Variants in ZEB1 observed in about 807,000 individuals in gnomAD.
ZEB1 encodes the protein zinc finger E-box binding homeobox 1.
A neutral mutation model predicts 84.9 loss-of-function variants in ZEB1; 21 were observed. The ratio of observed to expected loss-of-function variants is 0.25; its 90% CI spans 0.18 to 0.36. The LOEUF is 0.36. Among genes scored for constraint, ZEB1 ranks in the 10% least tolerant of loss-of-function variants. ZEB1 has a pLI of 1.00. For synonymous variants in ZEB1, 420 were observed against 471.1 expected (o/e 0.89, Z 1.41); for missense variants, 1,104 against 1,330.2 (o/e 0.83, Z 2.65).
chr10:31,393,072 A>C (rs1193635155), intron 1 of ZEB1, among the ~76,000 whole-genome samples: 4 of 152,142 alleles, frequency 2.6e-5, no homozygotes, highest in Non-Finnish European at 5.9e-5. Flanking sequence ...CCCTGAGCTC[A>C]AGCGATCCTC....
intron 1 of ZEB1, among the ~76,000 whole-genome samples, chr10:31,407,779 C>T (rs1389938331): frequency 6.6e-6 from 1 of 151,222 alleles, no homozygotes; most frequent in Non-Finnish European, 1.5e-5. Flanking sequence ...AAACCCACAG[C>T]CAATATCATA....
intron 1 of ZEB1, among the ~76,000 whole-genome samples, chr10:31,421,354 A>G (rs914130529): frequency 6.6e-6 from 1 of 152,160 alleles, no homozygotes; most frequent in Non-Finnish European, 1.5e-5. Flanking sequence ...ACCATGTGGT[A>G]TTAATCTACC....
At chr10:31,339,870 G>C (rs904026416) in intron 1 of ZEB1, among the ~76,000 whole-genome samples, 2 of 151,680 alleles carry the variant, frequency 1.3e-5, no homozygotes, top group Non-Finnish European at 2.9e-5. Flanking sequence ...GGGTGATTAT[G>C]ACAGTGTACC....
At chr10:31,426,831 ATGGTACTCCCATTGATC>A (rs2056993220) in intron 1 of ZEB1, among the ~76,000 whole-genome samples, 1 of 152,170 alleles carries the variant, frequency 6.6e-6, no homozygotes, top group Non-Finnish European at 1.5e-5. Flanking sequence ...CATGCTTTGG[ATGGTACTCCCATTGATC>A]TGGATCAGAG....
intron 5 of ZEB1, among the ~76,000 whole-genome samples, chr10:31,512,710 CAG>C (rs2070319271): frequency 6.6e-6 from 1 of 151,946 alleles, no homozygotes; most frequent in Admixed American, 6.6e-5. Context: ...TTATATAAAA[CAG>C]AAATAAAATA....
intron 6 of ZEB1, among the ~76,000 whole-genome samples, chr10:31,519,409 G>GT (rs1208692438): frequency 6.6e-6 from 1 of 152,158 alleles, no homozygotes; most frequent in East Asian, 1.9e-4. Flanking sequence ...TACTTTGACA[G>GT]TGCGTGGCTT....
At chr10:31,370,855 TTG>T (rs1448548590) in intron 1 of ZEB1, among the ~76,000 whole-genome samples, 2 of 152,132 alleles carry the variant, frequency 1.3e-5, no homozygotes, top group Non-Finnish European at 2.9e-5. Context: ...ATTTGTAAAA[TTG>T]TGTGTGGTGT....
chr10:31,520,907 G>C lies in ZEB1; in HGVS notation c.1575G>C (p.Gly525=). ...VKSEKDKSFE[G]GVNDSTCLLC... ...CTGAGAAGGACAAAAGCTTTGAAGG[G>C]GGGGTGAATGATAGCACTTGTCTTC... The change falls in exon 7 of 9, where the codon GGG becomes GGC. Residue 525 remains glycine, a synonymous_variant. Transcript: ENST00000424869. This position sits in a 1 kb window ranked among gnomAD's most constrained non-coding sequence, Gnocchi z 5.1. 2 of 1,614,110 alleles carry C rather than the reference G, an allele frequency of 1.2e-6. No homozygotes were observed. Among genetic ancestry groups the C allele is most frequent in the African/African-American group, 1.3e-5 (1 of 75,044 alleles).
intron 4 of ZEB1, among the ~76,000 whole-genome samples, chr10:31,509,944 A>G (rs968849835): frequency 2.0e-5 from 3 of 152,204 alleles, no homozygotes; most frequent in South Asian, 2.1e-4. Context: ...TTTGTTTTCT[A>G]AAAGCTATAT....
chr10:31,456,079 A>G (rs1246526990), intron 1 of ZEB1, among the ~76,000 whole-genome samples: 1 of 152,230 alleles, frequency 6.6e-6, no homozygotes, highest in Non-Finnish European at 1.5e-5. Context: ...ATGCAGCCCT[A>G]AAACAGGATG....
chr10:31,471,487 G>C (rs2063239644), intron 2 of ZEB1, among the ~76,000 whole-genome samples: 1 of 151,052 alleles, frequency 6.6e-6, no homozygotes, highest in Admixed American at 6.6e-5. Flanking sequence ...ATGGTAAAGG[G>C]ATCAATTCAA....
intron 1 of ZEB1, among the ~76,000 whole-genome samples, chr10:31,369,354 C>G (rs898620995): frequency 2.6e-5 from 4 of 152,156 alleles, no homozygotes; most frequent in Non-Finnish European, 5.9e-5. Context: ...GATCAACTCC[C>G]CCCACCACCC....
chr10:31,527,500 GCA>G lies in ZEB1; in HGVS notation c.*237_*238del, dbSNP rs2073725136. On this transcript the variant is annotated 3_prime_UTR_variant, in exon 9 of 9. Transcript: ENST00000424869. ...AACCTCAGACCTAGTAATTTTTCATGCAGTTTTCAAAGTTAGGAACAAGTTTG... is the reference window on the plus strand; with the variant it reads ...AACCTCAGACCTAGTAATTTTTCATGGTTTTCAAAGTTAGGAACAAGTTTG... 5 of 544,900 alleles carry G rather than the reference GCA, an allele frequency of 9.2e-6. No individual in the cohort carries two copies. Among genetic ancestry groups the G allele is most frequent in the Non-Finnish European group, 1.6e-5 (5 of 319,188 alleles). 33.8% of individuals were successfully genotyped at this position (544,900 alleles called of 1,614,324 possible). A position where few individuals can be genotyped will look rare whatever the true frequency, so the allele number is the denominator to read the frequency against.
intron 2 of ZEB1, among the ~76,000 whole-genome samples, chr10:31,474,696 C>G (rs1248970781): frequency 6.6e-6 from 1 of 152,162 alleles, no homozygotes; most frequent in African/African-American, 2.4e-5. Flanking sequence ...TTTGACCCAG[C>G]TATCCCATTA....
At chr10:31,433,679 G>A (rs976806831) in intron 1 of ZEB1, among the ~76,000 whole-genome samples, 5 of 152,036 alleles carry the variant, frequency 3.3e-5, no homozygotes, top group Admixed American at 2.6e-4. Flanking sequence ...TACACTACAG[G>A]GTCAAAACTT....
In ZEB1 at chr10:31,521,121, C is replaced by T. The variant is rs753996599; in HGVS notation, c.1789C>T (p.Leu597=). 9 of 1,614,046 alleles carry T rather than the reference C, an allele frequency of 5.6e-6. No individual in the cohort carries two copies. In the East Asian group the frequency reaches 1.8e-4, roughly 32 times the overall value. Residue 597 remains leucine, a synonymous_variant, in exon 7 of 9, where the codon CTA becomes TTA. Coordinates refer to ENST00000424869, the MANE Select transcript of ZEB1 (RefSeq NM_001174096.2). The part of the protein sequence containing the change: ...QPPLKNLLSL[L]KAYYALNAQP... ...ACCTTTAAAGAACCTCTTGTCTCTC[C>T]TAAAAGCATATTATGCTTTGAATGC...
At chr10:31,361,165 C>T (rs761261459) in intron 1 of ZEB1, 11 of 1,611,938 alleles carry the variant, frequency 6.8e-6, no homozygotes, top group Non-Finnish European at 8.5e-6. Flanking sequence ...ACCTCTTGTT[C>T]CTCCTGTCCC....
chr10:31,467,764 G>A (rs1056474876), intron 2 of ZEB1, among the ~76,000 whole-genome samples: 1 of 152,122 alleles, frequency 6.6e-6, no homozygotes, highest in East Asian at 1.9e-4. Context: ...GAAGAGTGTG[G>A]TGTGGGTTTT....
intron 1 of ZEB1, 101 bp from the exon 2 acceptor site, chr10:31,460,936 A>G: frequency 1.1e-6 from 1 of 938,192 alleles, no homozygotes; most frequent in Non-Finnish European, 1.7e-6. Flanking sequence ...GAAAACATTG[A>G]ATTACAATCT....
Sources: gnomAD v4.1 joint callset for allele counts (sites outside exome capture counted in the v4.1 genomes callset) on GRCh38, gnomAD v4.1.1 for gene constraint, Gnocchi (gnomAD v3.1) non-coding constraint, MANE v1.5 for transcripts, NCBI Gene and HGNC (gene_info 2026-07-23, HGNC 2026-07-21) for gene names.